The following SPRING1 variants were observed in gnomAD, a reference collection of about 807,000 sequenced individuals.
SPRING1 encodes the protein SREBP regulating gene protein.
In SPRING1, 14 loss-of-function variants were observed where a neutral mutation model predicts 24.7. That is an observed-to-expected ratio of 0.57 (90% CI 0.37 to 0.88). The LOEUF (loss-of-function observed/expected upper bound fraction) is 0.88. SPRING1 is among the 40% of genes least tolerant of loss of function. The pLI is 0.00. For synonymous variants in SPRING1, 93 were observed against 106.1 expected, an observed-to-expected ratio of 0.88 and a Z score of 0.76; for missense variants, 255 against 268.4, an observed-to-expected ratio of 0.95 and a Z score of 0.35.
At chr12:116,736,711 C>T (rs1871236870) in intron 1 of SPRING1, among the ~76,000 whole-genome samples, 1 of 152,170 alleles carries the variant, frequency 6.6e-6, no homozygotes, top group Non-Finnish European at 1.5e-5. Context: ...AAGCACTCAA[C>T]CTGGACTTCT....
At chr12:116,733,072 A>C (rs1420543911) in intron 1 of SPRING1, among the ~76,000 whole-genome samples, 2 of 152,236 alleles carry the variant, frequency 1.3e-5, no homozygotes, top group Admixed American at 1.3e-4. Flanking sequence ...GGTTATCTGA[A>C]AAAAGCGTTT....
chr12:116,723,105 T>G lies in SPRING1; in HGVS notation c.230A>C (p.Asn77Thr). Residue 77 changes from asparagine to threonine, a missense_variant, in exon 2 of 5, where the codon AAC (asparagine) becomes ACC (threonine). By Grantham distance (65) the Asn-to-Thr change is moderately conservative. Transcript: ENST00000261318. ...GATGAGGTGCTTCCCTTGAATGGAG[T>G]TGCGGCACTGATTGCTCGGACGACT... ...NSSRPSNQCR[N>T]SIQGKHLITD... The G allele has an allele frequency of 6.2e-7, 1 of 1,612,642 alleles. No homozygotes were observed.
At chr12:116,731,110 A>C (rs908555898) in intron 1 of SPRING1, among the ~76,000 whole-genome samples, 5 of 152,250 alleles carry the variant, frequency 3.3e-5, no homozygotes, top group Admixed American at 1.3e-4. Flanking sequence ...TCTACAGGAA[A>C]GATATGTACT....
intron 1 of SPRING1, among the ~76,000 whole-genome samples, chr12:116,736,547 A>G (rs1239194509): frequency 6.6e-6 from 1 of 152,234 alleles, no homozygotes; most frequent in East Asian, 1.9e-4. Context: ...GAGTGACCAC[A>G]TAGTTTTATC....
At position 116,736,940 on chromosome 12, in the gene SPRING1, T is replaced by G. The variant is rs953274088; in HGVS notation, c.111+850A>C. ...CCCCAAATTAAACGAAGGGCACCCA[T>G]GCGAGGGCTGGCCGACCCTCGCCAC... On this transcript the variant is annotated intron_variant, in intron 1 of 4. Transcript: ENST00000261318. Among the ~76,000 whole-genome samples the G allele has an allele frequency of 2.0e-5, 3 of 152,300 alleles. No individual in the cohort carries two copies. The East Asian group carries it at 5.8e-4, about 29-fold the overall frequency.
rs1869976769 is a variant in SPRING1, at chr12:116,713,780, T to C, written c.*4030A>G. The C allele has an allele frequency of 6.6e-6, 1 of 152,156 alleles. No individual in the cohort carries two copies. The highest frequency in any genetic ancestry group is 2.4e-5 in the African/African-American group (1 of 41,424). The allele number at this position is 152,156 out of a possible 1,614,324, so 9.4% of individuals were successfully genotyped here. On this transcript the variant is annotated 3_prime_UTR_variant, in exon 5 of 5. Coordinates refer to ENST00000261318, the MANE Select transcript of SPRING1 (RefSeq NM_024738.4). The stretch of plus-strand genomic sequence containing the variant: ...ACAGGCCTCTATGTAACATAGGATA[T>C]TCATTAGAGAATTGTTTTTCAAGAG...
In SPRING1 at chr12:116,727,560, G is replaced by C. The variant is rs554378624; in HGVS notation, c.112-4337C>G. 2.7e-4 allele frequency among the ~76,000 whole-genome samples: 41 copies of C among 150,862 alleles called. No individual in the cohort carries two copies. The South Asian group carries it at 4.8e-3, about 18-fold the overall frequency. On this transcript the variant is annotated intron_variant, in intron 1 of 4. Transcript: ENST00000261318. ...GCACGGAAACATAAGGCACTCTTATGAACCTCAGAAAAAGAGGGGAGGGGG... is the reference window on the plus strand; with the variant it reads ...GCACGGAAACATAAGGCACTCTTATCAACCTCAGAAAAAGAGGGGAGGGGG...
At chr12:116,730,220 T>A (rs1166059590) in intron 1 of SPRING1, among the ~76,000 whole-genome samples, 2 of 151,324 alleles carry the variant, frequency 1.3e-5, no homozygotes, top group Non-Finnish European at 2.9e-5. Flanking sequence ...TTTTTAATTT[T>A]TTTTTTGAGA....
At chr12:116,727,628 T>C (rs933783678) in intron 1 of SPRING1, among the ~76,000 whole-genome samples, 2 of 152,202 alleles carry the variant, frequency 1.3e-5, no homozygotes, top group Non-Finnish European at 1.5e-5. Flanking sequence ...ATTTGGGAAA[T>C]GGCTAAATGC....
At chr12:116,737,237 C>A (rs1871270491) in intron 1 of SPRING1, among the ~76,000 whole-genome samples, 1 of 152,138 alleles carries the variant, frequency 6.6e-6, no homozygotes, top group Admixed American at 6.5e-5. Context: ...GACAGGAATG[C>A]GCACCTCTCC....
chr12:116,735,589 G>A (rs1350700782), intron 1 of SPRING1, among the ~76,000 whole-genome samples: 13 of 151,894 alleles, frequency 8.6e-5, no homozygotes, highest in African/African-American at 1.2e-4. Flanking sequence ...AAAATTAGTC[G>A]GGTGTGGTGG....
At chr12:116,718,330 T>A (rs573179593) in intron 4 of SPRING1, among the ~76,000 whole-genome samples, 2 of 152,374 alleles carry the variant, frequency 1.3e-5, no homozygotes, top group Non-Finnish European at 2.9e-5. Context: ...ATAAAGTTTA[T>A]GTACCTAAAA....
At chr12:116,723,960 A>G (rs375045579) in intron 1 of SPRING1, among the ~76,000 whole-genome samples, 15 of 152,292 alleles carry the variant, frequency 9.8e-5, no homozygotes, top group East Asian at 5.8e-4. Flanking sequence ...TGCCTTTTCT[A>G]TACTGTTTTC....
rs568956436 is a variant in SPRING1, at chr12:116,720,703, G to A, written c.269-256C>T. ...ACCTACCTACACCTACTGTTTAGTC[G>A]GCTGGCACATGTCTGATTTCATCAT... On this transcript the variant is annotated intron_variant, in intron 2 of 4. Transcript: ENST00000261318. This position sits in a 1 kb window ranked among gnomAD's most constrained non-coding sequence, Gnocchi z 4.0. Among the ~76,000 whole-genome samples, 41 of 152,230 alleles carry A rather than the reference G, an allele frequency of 2.7e-4. No individual in the cohort carries two copies. Among genetic ancestry groups the A allele is most frequent in the Admixed American group, 2.2e-3 (33 of 15,292 alleles).
intron 1 of SPRING1, among the ~76,000 whole-genome samples, chr12:116,723,658 C>G (rs1274185181): frequency 2.0e-5 from 3 of 152,200 alleles, no homozygotes; most frequent in Admixed American, 6.5e-5. Flanking sequence ...TGACTCTCAT[C>G]TCAGACATCT....
Position 116,714,984 on chromosome 12 carries a change from G to C in SPRING1, c.*2826C>G, listed in dbSNP as rs1400275830. On this transcript the variant is annotated 3_prime_UTR_variant, in exon 5 of 5. Transcript: ENST00000261318. ...GCAAATAAGATGCAGAACTGGGGGA[G>C]ATGCAACGTATGACTCAATTCCCTT... is the stretch of plus-strand genomic sequence containing the variant. The C allele has an allele frequency of 2.6e-5, 4 of 152,044 alleles. No homozygotes were observed. Among genetic ancestry groups the C allele is most frequent in the Non-Finnish European group, 5.9e-5 (4 of 68,032 alleles). The allele number at this position is 152,044 out of a possible 1,614,324, so 9.4% of individuals were successfully genotyped here.
At chr12:116,736,292 T>C (rs1218625939) in intron 1 of SPRING1, among the ~76,000 whole-genome samples, 2 of 151,712 alleles carry the variant, frequency 1.3e-5, no homozygotes, top group African/African-American at 4.8e-5. Context: ...GAGGACGGAG[T>C]CCTGGCGCAC....
In SPRING1 at chr12:116,714,871, T is replaced by C. The variant is rs918937311; in HGVS notation, c.*2939A>G. ...GTGGAAGGTATTTCCCTCCCTCTTT[T>C]GTCCTTGCTTGTCTCAGAGCCCTTT... On this transcript the variant is annotated 3_prime_UTR_variant, in exon 5 of 5. Transcript: ENST00000261318. The C allele has an allele frequency of 6.6e-6, 1 of 151,890 alleles. No individual in the cohort carries two copies. Among genetic ancestry groups the C allele is most frequent in the Non-Finnish European group, 1.5e-5 (1 of 68,006 alleles). The allele number at this position is 151,890 out of a possible 1,614,324, so 9.4% of individuals were successfully genotyped here. A position where few individuals can be genotyped will look rare whatever the true frequency, so the allele number is the denominator to read the frequency against.
At position 116,713,006 on chromosome 12, in the gene SPRING1, C is replaced by G. The variant is rs960208408; in HGVS notation, c.*4804G>C. The G allele has an allele frequency of 6.6e-5, 10 of 152,290 alleles. No individual in the cohort carries two copies. The highest frequency in any genetic ancestry group is 2.4e-4 in the African/African-American group (10 of 41,444). 9.4% of individuals were successfully genotyped at this position (152,290 alleles called of 1,614,324 possible). On this transcript the variant is annotated 3_prime_UTR_variant, in exon 5 of 5. Coordinates refer to ENST00000261318, the MANE Select transcript of SPRING1 (RefSeq NM_024738.4). ...CTCAGCTACCAGGAGCTCCTCTGTT[C>G]AATCTAACGGGGAGATATGACCCCA...
Sources: gnomAD v4.1 joint callset for allele counts (sites outside exome capture counted in the v4.1 genomes callset) on GRCh38, gnomAD v4.1.1 for gene constraint, Gnocchi (gnomAD v3.1) non-coding constraint, MANE v1.5 for transcripts, NCBI Gene and HGNC (gene_info 2026-07-23, HGNC 2026-07-21) for gene names.